Variants in CABYR observed in about 807,000 individuals in gnomAD.
CABYR encodes the protein calcium binding tyrosine phosphorylation regulated.
A neutral mutation model predicts 36.1 loss-of-function variants in CABYR; 31 were observed. The ratio of observed to expected loss-of-function variants is 0.86; its 90% CI spans 0.64 to 1.16. The LOEUF is 1.16. Among genes scored for constraint, CABYR ranks in the 50% most tolerant of loss-of-function variants. The pLI is 0.00. For synonymous variants in CABYR, 146 were observed against 160.7 expected (o/e 0.91, Z 0.69); for missense variants, 429 against 455.8 (o/e 0.94, Z 0.53).
chr18:24,155,163 TC>T (rs566982982), intron 3 of CABYR, among the ~76,000 whole-genome samples: 48 of 152,148 alleles, frequency 3.2e-4, no homozygotes, highest in African/African-American at 1.1e-3. Context: ...CAAGTTGGTC[TC>T]CCCCCCACCC....
At chr18:24,145,647 A>T (rs1222953895) in intron 3 of CABYR, among the ~76,000 whole-genome samples, 1 of 152,124 alleles carries the variant, frequency 6.6e-6, no homozygotes, top group East Asian at 1.9e-4. Context: ...AAGCTTGAGG[A>T]GGTTTAGCAG....
intron 3 of CABYR, among the ~76,000 whole-genome samples, 181 bp downstream of exon 3, chr18:24,143,594 T>G (rs905427196): frequency 3.9e-5 from 6 of 152,052 alleles, no homozygotes; most frequent in African/African-American, 1.4e-4. Context: ...CAGGCTGGAG[T>G]GCAGCGGCGC....
chr18:24,149,830 G>A (rs2085571155), intron 3 of CABYR, among the ~76,000 whole-genome samples: 1 of 152,238 alleles, frequency 6.6e-6, no homozygotes, highest in African/African-American at 2.4e-5. Context: ...GGCTGGCAGG[G>A]CCGGCCCGCT....
intron 5 of CABYR, 120 bp from the exon 6 acceptor site, chr18:24,161,396 T>C (rs2085980784): frequency 1.6e-6 from 1 of 636,830 alleles, no homozygotes. Context: ...CATAGGTAAC[T>C]AGTTAAGCTT....
chr18:24,151,296 C>CT (rs1215878101), intron 3 of CABYR, among the ~76,000 whole-genome samples: 1 of 152,128 alleles, frequency 6.6e-6, no homozygotes, highest in African/African-American at 2.4e-5. Context: ...TAAAAAGGAA[C>CT]TTTTTTACAA....
At chr18:24,158,311 G>GTAT (rs996067742) in intron 4 of CABYR, among the ~76,000 whole-genome samples, 8 of 143,100 alleles carry the variant, frequency 5.6e-5, no homozygotes, top group African/African-American at 2.0e-4. Flanking sequence ...CATGTGCGTA[G>GTAT]TATTATTTCT....
At chr18:24,143,022 C>CAA (rs11320479) in intron 1 of CABYR, 69 bp from the exon 2 acceptor site, 12,414 of 690,722 alleles carry the variant, frequency 0.018, no homozygotes, top group Non-Finnish European at 0.02. Context: ...GACAGAGTCT[C>CAA]AAAAAAAAAA....
Position 24,143,358 on chromosome 18 carries a change from A to T in CABYR, c.146-2A>T, listed in dbSNP as rs754680737. ...TTTGATTTCCTGTATTGATTCCTTC[A>T]GGGAATACTACTATGGATATAAAAG... On this transcript the variant is annotated splice_acceptor_variant, in intron 2 of 5. Transcript: ENST00000399496. LOFTEE classifies it high-confidence loss of function. 1.3e-6 allele frequency: 2 copies of T among 1,592,024 alleles called. No individual in the cohort carries two copies. Among genetic ancestry groups the T allele is most frequent in the South Asian group, 2.3e-5 (2 of 88,644 alleles).
rs199738153 is a variant in CABYR at position 24,158,334 on chromosome 18, T to C, written c.542-1138T>C. 3.3e-5 allele frequency among the ~76,000 whole-genome samples: 5 copies of C among 152,094 alleles called. No homozygotes were observed. In the East Asian group the frequency reaches 9.7e-4, roughly 29 times the overall value. On this transcript the variant is annotated intron_variant, in intron 4 of 5. Coordinates refer to ENST00000399496, the MANE Select transcript of CABYR (RefSeq NM_153769.3). ...TAGTATTATTTCTTTTTTTTTTTTT[T>C]TGAGACGGAGTTTTGCTCTTGTTGC...
chr18:24,145,251 A>G (rs1170665865), intron 3 of CABYR, among the ~76,000 whole-genome samples: 1 of 152,174 alleles, frequency 6.6e-6, no homozygotes, highest in Non-Finnish European at 1.5e-5. Context: ...GCAGAGAGGG[A>G]GAGATTTTTC....
chr18:24,156,058 TTCATTCTGA>T lies in CABYR; in HGVS notation c.541+20_541+28del. On this transcript the variant is annotated intron_variant, in intron 4 of 5. Coordinates refer to ENST00000399496, the MANE Select transcript of CABYR (RefSeq NM_153769.3). ...CAGATGTTAGGTAAAGTTTCATCTA[TTCATTCTGA>T]TCAATCTGATGTGTTAATGGTGGAT... 6.2e-7 allele frequency: 1 copy of T among 1,614,198 alleles called. No individual in the cohort carries two copies. The highest frequency in any genetic ancestry group is 8.5e-7 in the Non-Finnish European group (1 of 1,180,030).
intron 3 of CABYR, among the ~76,000 whole-genome samples, chr18:24,146,903 T>C (rs2085473238): frequency 6.6e-6 from 1 of 152,140 alleles, no homozygotes; most frequent in Non-Finnish European, 1.5e-5. Context: ...ACCCAGGGAA[T>C]ATATCCTTTA....
At chr18:24,153,361 GCT>G (rs1568462203) in intron 3 of CABYR, among the ~76,000 whole-genome samples, 2 of 152,122 alleles carry the variant, frequency 1.3e-5, no homozygotes, top group African/African-American at 4.8e-5. Context: ...TAATAGGAGC[GCT>G]CTCTCTGGCC....
intron 3 of CABYR, among the ~76,000 whole-genome samples, chr18:24,146,877 C>T (rs2085471959): frequency 6.6e-6 from 1 of 152,054 alleles, no homozygotes; most frequent in Non-Finnish European, 1.5e-5. Context: ...AGAATGCCAG[C>T]CTAGAATTAA....
chr18:24,141,152 G>A (rs2085311924), intron 1 of CABYR, among the ~76,000 whole-genome samples: 1 of 152,118 alleles, frequency 6.6e-6, no homozygotes, highest in African/African-American at 2.4e-5. Context: ...TTTCATTAAG[G>A]GATTCAATTA....
At chr18:24,151,702 T>TG (rs2085640130) in intron 3 of CABYR, among the ~76,000 whole-genome samples, 2 of 151,192 alleles carry the variant, frequency 1.3e-5, no homozygotes, top group African/African-American at 2.4e-5. Flanking sequence ...TTTTTTTTTT[T>TG]TTTTAAAGAC....
intron 3 of CABYR, chr18:24,150,731 C>G: frequency 4.8e-6 from 1 of 208,256 alleles, no homozygotes; most frequent in Non-Finnish European, 8.2e-6. Context: ...TTTAAGCACT[C>G]TCTTTGAGCT....
chr18:24,156,563 C>G, intron 4 of CABYR: 1 of 1,614,182 alleles, frequency 6.2e-7, no homozygotes, highest in Non-Finnish European at 8.5e-7. Context: ...CCACCTCTGG[C>G]ATGTCTAAAA....
intron 4 of CABYR, among the ~76,000 whole-genome samples, chr18:24,158,245 TAAAA>T (rs1172011508): frequency 6.6e-6 from 1 of 150,612 alleles, no homozygotes; most frequent in African/African-American, 2.4e-5. Context: ...TCAACAAGCT[TAAAA>T]AAAAAGATTA....
Sources: allele counts gnomAD v4.1 joint callset (sites outside exome capture counted in the v4.1 genomes callset), GRCh38; gene constraint gnomAD v4.1.1; transcripts MANE v1.5; gene names NCBI Gene and HGNC (gene_info 2026-07-23, HGNC 2026-07-21).